The following DDX11 variants were observed in gnomAD, a reference collection of about 807,000 sequenced individuals.
DDX11 encodes the protein ATP-dependent DNA helicase DDX11.
DDX11 carries 72 observed loss-of-function variants against 125.2 expected under a neutral mutation model. The ratio of observed to expected loss-of-function variants is 0.58; its 90% CI spans 0.48 to 0.70. The LOEUF is 0.70. DDX11 is among the 30% of genes least tolerant of loss of function. DDX11 has a pLI of 0.00. For synonymous variants in DDX11, 347 were observed against 452.6 expected (o/e 0.77, Z 2.96); for missense variants, 883 against 1,165.0 (o/e 0.76, Z 3.52).
Position 31,089,148 on chromosome 12 carries a change from G to C in DDX11, c.789G>C (p.Arg263=). The C allele has an allele frequency of 6.2e-7, 1 of 1,613,486 alleles. No individual in the cohort carries two copies. The highest frequency in any genetic ancestry group is 8.5e-7 in the Non-Finnish European group (1 of 1,179,436). Residue 263 remains arginine (R), a synonymous_variant, in exon 7 of 27, where the codon CGG becomes CGC. Coordinates refer to ENST00000542838, the MANE Select transcript of DDX11 (RefSeq NM_030653.4). ...KDVRLVSLGS[R]QNLCVNEDVK... ...TTCGGCTGGTCTCCCTTGGCTCCCGGCAGGTAAACAGTAGCCAGTATTTCC... is the reference window on the plus strand; with the variant it reads ...TTCGGCTGGTCTCCCTTGGCTCCCGCCAGGTAAACAGTAGCCAGTATTTCC...
Position 31,103,899 on chromosome 12 carries a change from T to C in DDX11, c.*63T>C, listed in dbSNP as rs751804820. 2.5e-6 allele frequency: 4 copies of C among 1,613,848 alleles called. No individual in the cohort carries two copies. Among genetic ancestry groups the C allele is most frequent in the Non-Finnish European group, 3.4e-6 (4 of 1,179,826 alleles). On this transcript the variant is annotated 3_prime_UTR_variant, in exon 27 of 27. Transcript: ENST00000542838. ...TTTGTCCTGCCCGCTGGAGACAGTG[T>C]TTGTCGTGGGCGTGGTCTGCGGGGA... is the stretch of plus-strand genomic sequence containing the variant.
intron 11 of DDX11, 83 bp from the exon 12 acceptor site, chr12:31,093,162 C>T (rs1055287597): frequency 7.7e-6 from 11 of 1,421,674 alleles, no homozygotes; most frequent in African/African-American, 2.8e-5. Context: ...TGAGAGGCAC[C>T]GGGCAGCAAG....
Position 31,104,072 on chromosome 12 carries a change from G to C in DDX11, c.*236G>C. The C allele has an allele frequency of 1.3e-6, 2 of 1,533,922 alleles. No individual in the cohort carries two copies. Among genetic ancestry groups the C allele is most frequent in the South Asian group, 1.2e-5 (1 of 81,716 alleles). On this transcript the variant is annotated 3_prime_UTR_variant, in exon 27 of 27. Transcript: ENST00000542838. ...GCTGTCCTTGGGGCGTTCCAGGGCA[G>C]CTCCCCTCCTGGAATAGAATCTTTC...
chr12:31,089,564 C>T (rs1340428400), intron 8 of DDX11, 74 bp downstream of exon 8: 4 of 1,473,448 alleles, frequency 2.7e-6, no homozygotes, highest in African/African-American at 1.4e-5. Flanking sequence ...GACTGAAGAC[C>T]ATTAAGTGTC....
At position 31,088,085 on chromosome 12, in the gene DDX11, C is replaced by A. The variant is rs1943489925; in HGVS notation, c.684+102C>A. 2.0e-6 allele frequency: 3 copies of A among 1,516,874 alleles called. No homozygotes were observed. The South Asian group carries it at 3.6e-5, about 18-fold the overall frequency. 94.0% of individuals were successfully genotyped at this position (1,516,874 alleles called of 1,614,324 possible). On this transcript the variant is annotated intron_variant, in intron 6 of 26. Coordinates refer to ENST00000542838, the MANE Select transcript of DDX11 (RefSeq NM_030653.4). ...TCACTTGGCTACTTCTCACCCTCCT[C>A]TCCACAAAGGAGGAGCTTCCAGCAC...
intron 2 of DDX11, among the ~76,000 whole-genome samples, chr12:31,082,383 T>C (rs1390793572): frequency 1.3e-5 from 2 of 151,856 alleles, no homozygotes; most frequent in Non-Finnish European, 2.9e-5. Context: ...TTTCCATTTC[T>C]GCACTCGTGG....
intron 5 of DDX11, among the ~76,000 whole-genome samples, 160 bp downstream of exon 5, chr12:31,085,286 C>T (rs1942909551): frequency 6.6e-6 from 1 of 152,252 alleles, no homozygotes; most frequent in South Asian, 2.1e-4. Flanking sequence ...CCATGAGTGC[C>T]AGTGGCAGTG....
intron 4 of DDX11, 136 bp downstream of exon 4, chr12:31,084,805 G>A: frequency 2.0e-6 from 2 of 997,176 alleles, no homozygotes; most frequent in South Asian, 1.4e-5. Flanking sequence ...CAGAAGCTGG[G>A]CTGTGAGTGG....
At chr12:31,087,693 C>T in intron 5 of DDX11, 1 of 621,576 alleles carries the variant, frequency 1.6e-6, no homozygotes, top group Non-Finnish European at 2.9e-6. Context: ...CGACTCAAGA[C>T]TTGGGTTGGG....
intron 1 of DDX11, chr12:31,076,850 ATT>A (rs1940796550): frequency 6.6e-6 from 1 of 150,806 alleles, no homozygotes; most frequent in Non-Finnish European, 1.5e-5. Flanking sequence ...TTCTTTTTTC[ATT>A]TTTTCTTGTC....
At chr12:31,097,330 A>G (rs1046662275) in intron 17 of DDX11, among the ~76,000 whole-genome samples, 3 of 152,078 alleles carry the variant, frequency 2.0e-5, no homozygotes, top group African/African-American at 2.4e-5. Context: ...TTTGTCATCT[A>G]TGAGCCTTGT....
chr12:31,100,398 A>G, intron 18 of DDX11: 2 of 421,854 alleles, frequency 4.7e-6, no homozygotes, highest in Non-Finnish European at 8.7e-6. Context: ...AGGGTTGATA[A>G]TGACTGTGCC....
intron 2 of DDX11, 65 bp from the exon 3 acceptor site, chr12:31,083,748 G>A: frequency 6.4e-7 from 1 of 1,552,636 alleles, no homozygotes. Context: ...TTATTAAAAT[G>A]GGGAAAGGTC....
At position 31,090,176 on chromosome 12, in the gene DDX11, G is replaced by A. The variant is rs1289675929; in HGVS notation, c.1089+82G>A. 2.4e-6 allele frequency: 3 copies of A among 1,253,970 alleles called. No homozygotes were observed. The South Asian group carries it at 3.9e-5, about 16-fold the overall frequency. 77.7% of individuals were successfully genotyped at this position (1,253,970 alleles called of 1,614,324 possible). On this transcript the variant is annotated intron_variant, in intron 9 of 26. Transcript: ENST00000542838. ...TGAGGGGGGTCCTCATCACACTGTA[G>A]TTTGGGGGATGCCCCCCACCGTGGT...
intron 1 of DDX11, among the ~76,000 whole-genome samples, chr12:31,077,646 G>A (rs1385801876): frequency 6.6e-6 from 1 of 152,050 alleles, no homozygotes; most frequent in African/African-American, 2.4e-5. Context: ...AGGAGATCGA[G>A]ACCATCCTGG....
intron 9 of DDX11, chr12:31,091,408 G>A (rs1397978412): frequency 6.2e-6 from 2 of 324,902 alleles, no homozygotes; most frequent in African/African-American, 4.3e-5. Context: ...GTCTGCAGGT[G>A]TTTGTGGAAA....
chr12:31,078,929 C>T (rs1310699104), intron 2 of DDX11, among the ~76,000 whole-genome samples: 3 of 152,236 alleles, frequency 2.0e-5, no homozygotes, highest in East Asian at 1.9e-4. Flanking sequence ...CCTCGTGATC[C>T]GCCCGCTTCG....
At chr12:31,097,601 A>G (rs574231943) in intron 17 of DDX11, among the ~76,000 whole-genome samples, 2 of 142,246 alleles carry the variant, frequency 1.4e-5, no homozygotes, top group African/African-American at 2.7e-5. Context: ...AATTGCTTGA[A>G]CCCAGGAGGC....
intron 2 of DDX11, among the ~76,000 whole-genome samples, chr12:31,079,486 G>A (rs1352530758): frequency 1.4e-5 from 2 of 138,276 alleles, no homozygotes; most frequent in Non-Finnish European, 3.1e-5. Flanking sequence ...AGATGGCTGC[G>A]TTCTTACTGT....
Sources: gnomAD v4.1 joint callset for allele counts (sites outside exome capture counted in the v4.1 genomes callset) on GRCh38, gnomAD v4.1.1 for gene constraint, MANE v1.5 for transcripts, NCBI Gene and HGNC (gene_info 2026-07-23, HGNC 2026-07-21) for gene names.